The following GIGYF2 variants were observed in gnomAD, a reference collection of about 807,000 sequenced individuals.
GIGYF2 encodes GRB10-interacting GYF protein 2.
Under a neutral mutation model 208.1 loss-of-function variants are expected in GIGYF2, and 25 were observed. The observed-to-expected ratio is 0.12, with a 90% CI of 0.09 to 0.17. GIGYF2 has a LOEUF of 0.17. GIGYF2 is among the 10% of genes least tolerant of loss of function. The pLI is 1.00. For synonymous variants in GIGYF2, 534 were observed against 543.8 expected (o/e 0.98, Z 0.25); for missense variants, 1,302 against 1,579.4 (o/e 0.82, Z 2.98).
chr2:232,797,526 T>TGTGTGTGTGTGTGTG (rs1553614943), intron 14 of GIGYF2, among the ~76,000 whole-genome samples: 4 of 150,650 alleles, frequency 2.7e-5, no homozygotes, highest in African/African-American at 9.8e-5. Context: ...TGTGTGTGTG[T>TGTGTGTGTGTGTGTG]TTTAACCAAA....
At chr2:232,828,124 G>A (rs1701306291) in intron 21 of GIGYF2, among the ~76,000 whole-genome samples, 1 of 151,988 alleles carries the variant, frequency 6.6e-6, no homozygotes. Flanking sequence ...TGAGTAGGTG[G>A]GACCACAGAT....
chr2:232,714,044 G>T (rs1315310104), intron 2 of GIGYF2, among the ~76,000 whole-genome samples: 1 of 151,746 alleles, frequency 6.6e-6, no homozygotes, highest in African/African-American at 2.4e-5. Flanking sequence ...ACGCTTCCCG[G>T]GTTCATGCCA....
intron 21 of GIGYF2, among the ~76,000 whole-genome samples, chr2:232,823,886 T>C (rs1701172392): frequency 2.0e-5 from 3 of 152,210 alleles, no homozygotes; most frequent in South Asian, 4.1e-4. Flanking sequence ...ATCGACCAAG[T>C]CTGTTGGCCA....
chr2:232,740,988 A>G (rs1697947656), intron 3 of GIGYF2, among the ~76,000 whole-genome samples: 1 of 152,228 alleles, frequency 6.6e-6, no homozygotes, highest in African/African-American at 2.4e-5. Flanking sequence ...TGCTAAGGCA[A>G]TAAGGATAAA....
chr2:232,827,899 A>AC (rs1356810417), intron 21 of GIGYF2, among the ~76,000 whole-genome samples: 1 of 152,162 alleles, frequency 6.6e-6, no homozygotes, highest in Non-Finnish European at 1.5e-5. Context: ...AGTTTAAAGC[A>AC]CTTTTGAATA....
chr2:232,708,902 A>T (rs986244897), intron 2 of GIGYF2, among the ~76,000 whole-genome samples: 3 of 149,500 alleles, frequency 2.0e-5, no homozygotes, highest in Non-Finnish European at 4.5e-5. Context: ...TGGGTGGATC[A>T]CCTGAGGTCA....
At chr2:232,783,408 A>AT (rs907023234) in intron 8 of GIGYF2, among the ~76,000 whole-genome samples, 12 of 149,330 alleles carry the variant, frequency 8.0e-5, no homozygotes, top group African/African-American at 2.2e-4. Context: ...TTTGTTTTTT[A>AT]TTTTTTTTGG....
chr2:232,755,739 A>G (rs1698509575), intron 5 of GIGYF2, among the ~76,000 whole-genome samples: 1 of 152,132 alleles, frequency 6.6e-6, no homozygotes, highest in Non-Finnish European at 1.5e-5. Flanking sequence ...CATTCTGTTG[A>G]ATACTACTTG....
At chr2:232,747,476 C>A in intron 3 of GIGYF2, 139 bp from the exon 4 acceptor site, 1 of 906,344 alleles carries the variant, frequency 1.1e-6, no homozygotes, top group Non-Finnish European at 1.7e-6. Context: ...TGTATTAAAG[C>A]TAAAGTCTGA....
In GIGYF2 at chr2:232,832,972, G is replaced by A. The variant is rs775167126; in HGVS notation, c.2645G>A (p.Arg882Gln). 6 of 1,574,728 alleles carry A rather than the reference G, an allele frequency of 3.8e-6. No homozygotes were observed. Among genetic ancestry groups the A allele is most frequent in the African/African-American group, 1.4e-5 (1 of 74,070 alleles). The change falls in exon 22 of 29, where the codon CGG (arginine) becomes CAG (glutamine). Residue 882 changes from arginine to glutamine, a missense_variant. Transcript: ENST00000373563. ...AGACTCCGGCATGAGGAAGAAGAAC[G>A]GAAGAGAAAGGAGCTGGAGGTCCAG... is the stretch of plus-strand genomic sequence containing the variant. ...AARLRHEEEE[R>Q]KRKELEVQRQ...
chr2:232,818,810 A>G lies in GIGYF2; in HGVS notation c.2371-1017A>G, dbSNP rs144118616. 3.6e-3 allele frequency among the ~76,000 whole-genome samples: 545 copies of G among 152,242 alleles called. 15 individuals carry two copies. The highest frequency in any genetic ancestry group is 6.5e-4 in the Non-Finnish European group (44 of 68,030). On this transcript the variant is annotated intron_variant, in intron 20 of 28. Transcript: ENST00000373563. ...TGCTAGCTGTATTAAATTTCATTTT[A>G]TAAGTAAATTATAATAAGTTGACCA...
chr2:232,768,082 T>C, intron 8 of GIGYF2: 1 of 1,055,024 alleles, frequency 9.5e-7, no homozygotes, highest in Non-Finnish European at 1.4e-6. Context: ...ATTACCGTGA[T>C]GTAGAGAGCT....
At chr2:232,736,105 A>G (rs1697721771) in intron 3 of GIGYF2, 2 of 954,102 alleles carry the variant, frequency 2.1e-6, no homozygotes, top group Non-Finnish European at 2.5e-6. Context: ...TTTTATTAAT[A>G]TATGTAATCT....
At position 232,847,368 on chromosome 2, in the gene GIGYF2, C is replaced by T. The variant is rs547436773; in HGVS notation, c.3481C>T (p.Leu1161=). The part of the protein sequence containing the change: ...NLDVPTFVSF[L]KEVESPYEVH... ...TGCAGTTCCCACATTTGTTTCTTTC[C>T]TGAAAGAAGTAGAATCTCCTTATGA... Residue 1161 remains leucine, a synonymous_variant, in exon 27 of 29, where the codon CTG becomes TTG. Transcript: ENST00000373563. 2 of 1,610,028 alleles carry T rather than the reference C, an allele frequency of 1.2e-6. No homozygotes were observed. Among genetic ancestry groups the T allele is most frequent in the African/African-American group, 2.7e-5 (2 of 74,884 alleles).
intron 23 of GIGYF2, among the ~76,000 whole-genome samples, chr2:232,840,478 G>A (rs975416840): frequency 2.6e-4 from 40 of 152,160 alleles, no homozygotes; most frequent in African/African-American, 7.0e-4. Context: ...TGACAGAGAG[G>A]AGAAAATGAA....
chr2:232,840,648 C>T (rs1394813709), intron 23 of GIGYF2, among the ~76,000 whole-genome samples: 1 of 152,072 alleles, frequency 6.6e-6, no homozygotes. Context: ...GAAGCTGACC[C>T]TCTGATTGAG....
chr2:232,800,091 T>C (rs1052064231), intron 14 of GIGYF2, among the ~76,000 whole-genome samples: 16 of 152,134 alleles, frequency 1.1e-4, no homozygotes, highest in Non-Finnish European at 2.9e-5. Context: ...TTTACTCTGC[T>C]GATAATGTCT....
chr2:232,765,719 C>A, intron 8 of GIGYF2: 1 of 298,192 alleles, frequency 3.4e-6, no homozygotes, highest in Non-Finnish European at 6.7e-6. Flanking sequence ...CAGTGCAATA[C>A]AAATTAGTGT....
intron 8 of GIGYF2, chr2:232,768,413 G>C: frequency 6.2e-7 from 1 of 1,614,144 alleles, no homozygotes. Context: ...ACGGTAGGTA[G>C]GATGTCCTCC....
Sources: allele counts gnomAD v4.1 joint callset (sites outside exome capture counted in the v4.1 genomes callset), GRCh38; gene constraint gnomAD v4.1.1; transcripts MANE v1.5; gene names NCBI Gene and HGNC (gene_info 2026-07-23, HGNC 2026-07-21).